CPQ: variants seen among roughly 807,000 people sequenced by gnomAD.
CPQ encodes Ser-Met dipeptidase.
A neutral mutation model predicts 45.7 loss-of-function variants in CPQ; 37 were observed. That is an observed-to-expected ratio of 0.81 (90% confidence interval 0.62 to 1.07). The LOEUF is 1.07. Ranked by LOEUF, CPQ falls within the 50% of genes least tolerant of loss-of-function variation. The probability of loss-of-function intolerance (pLI) is 0.00; values close to 1 mark genes in which losing one functional copy is unlikely to be tolerated. For synonymous variants in CPQ, 186 were observed against 205.8 expected, an observed-to-expected ratio of 0.90 and a Z score of 0.82; for missense variants, 537 against 572.9, an observed-to-expected ratio of 0.94 and a Z score of 0.64.
At chr8:96,944,395 G>A (rs564529636) in intron 4 of CPQ, among the ~76,000 whole-genome samples, 4 of 151,960 alleles carry the variant, frequency 2.6e-5, no homozygotes, top group Non-Finnish European at 2.9e-5. Context: ...TGCTTCTGTC[G>A]TCTCGTTAGT....
chr8:97,022,727 T>A (rs926747270), intron 5 of CPQ, among the ~76,000 whole-genome samples: 4 of 151,668 alleles, frequency 2.6e-5, no homozygotes, highest in African/African-American at 4.8e-5. Flanking sequence ...AATCAAAAAA[T>A]AATTGATGTT....
chr8:97,111,009 C>A (rs1451378496), intron 7 of CPQ, among the ~76,000 whole-genome samples: 1 of 152,142 alleles, frequency 6.6e-6, no homozygotes, highest in East Asian at 1.9e-4. Flanking sequence ...TATTGGATTT[C>A]TTTTCCAACA....
At chr8:97,123,211 TAAA>T (rs1563587408) in intron 7 of CPQ, among the ~76,000 whole-genome samples, 5 of 67,818 alleles carry the variant, frequency 7.4e-5, no homozygotes, top group East Asian at 1.4e-3. Flanking sequence ...AAATAAAAAA[TAAA>T]ATAAAATAAA....
intron 1 of CPQ, among the ~76,000 whole-genome samples, chr8:96,763,475 G>T (rs969333773): frequency 6.6e-6 from 1 of 152,024 alleles, no homozygotes; most frequent in African/African-American, 2.4e-5. Context: ...ATATCATACT[G>T]TCTGGATTAC....
chr8:96,853,171 T>C (rs1811793744), intron 3 of CPQ, among the ~76,000 whole-genome samples: 1 of 152,220 alleles, frequency 6.6e-6, no homozygotes, highest in Non-Finnish European at 1.5e-5. Context: ...TTGACTGATT[T>C]TGTTGGCCCT....
intron 7 of CPQ, among the ~76,000 whole-genome samples, chr8:97,114,767 G>GA (rs1350682120): frequency 6.6e-6 from 1 of 152,180 alleles, no homozygotes; most frequent in Non-Finnish European, 1.5e-5. Flanking sequence ...ATCCTTCAGT[G>GA]AAATCTGTGC....
chr8:97,099,975 A>G (rs1007771073), intron 7 of CPQ, among the ~76,000 whole-genome samples: 3 of 152,200 alleles, frequency 2.0e-5, no homozygotes, highest in African/African-American at 7.2e-5. Context: ...ATGTACCTCT[A>G]ACACCAAGGC....
chr8:96,654,511 T>A (rs1310971923), intron 1 of CPQ, among the ~76,000 whole-genome samples: 1 of 152,158 alleles, frequency 6.6e-6, no homozygotes, highest in African/African-American at 2.4e-5. Flanking sequence ...GAGTACTGTG[T>A]ATAATGAGCC....
At chr8:96,708,931 T>C (rs754069712) in intron 1 of CPQ, among the ~76,000 whole-genome samples, 8 of 152,192 alleles carry the variant, frequency 5.3e-5, no homozygotes, top group Non-Finnish European at 2.9e-5. Context: ...AAAATATCTT[T>C]CAGATCTGTC....
At chr8:96,754,567 G>T (rs1372787159) in intron 1 of CPQ, among the ~76,000 whole-genome samples, 1 of 151,944 alleles carries the variant, frequency 6.6e-6, no homozygotes, top group East Asian at 1.9e-4. Context: ...AACCAGTTTT[G>T]CAAATTATCC....
intron 2 of CPQ, among the ~76,000 whole-genome samples, chr8:96,815,795 T>A (rs1811219458): frequency 6.6e-6 from 1 of 152,106 alleles, no homozygotes; most frequent in Non-Finnish European, 1.5e-5. Context: ...ACAATAAAAT[T>A]TTTTGGTTTC....
intron 2 of CPQ, among the ~76,000 whole-genome samples, chr8:96,833,114 G>T (rs1811481391): frequency 1.3e-5 from 2 of 152,066 alleles, no homozygotes; most frequent in Non-Finnish European, 2.9e-5. Context: ...ACATATGGGG[G>T]ATAAAGGAGA....
chr8:96,958,802 A>G (rs942330173), intron 4 of CPQ, among the ~76,000 whole-genome samples: 1 of 152,068 alleles, frequency 6.6e-6, no homozygotes, highest in Non-Finnish European at 1.5e-5. Flanking sequence ...CTGAGAGTGG[A>G]AACAGCTCTT....
chr8:96,739,249 T>G (rs1188703141), intron 1 of CPQ, among the ~76,000 whole-genome samples: 28 of 150,360 alleles, frequency 1.9e-4, no homozygotes, highest in Non-Finnish European at 3.7e-4. Context: ...TTTGGCTGCA[T>G]AAATGTCTTC....
intron 1 of CPQ, among the ~76,000 whole-genome samples, chr8:96,745,966 AGGT>A (rs1810174142): frequency 6.6e-6 from 1 of 152,188 alleles, no homozygotes; most frequent in Non-Finnish European, 1.5e-5. Flanking sequence ...AGTTTCCATG[AGGT>A]TATTGAAACT....
chr8:97,084,758 G>T (rs1443819073), intron 7 of CPQ, among the ~76,000 whole-genome samples: 1 of 151,920 alleles, frequency 6.6e-6, no homozygotes, highest in Non-Finnish European at 1.5e-5. Flanking sequence ...TATGTGCCTT[G>T]TAAAGGAGCT....
At chr8:96,848,577 T>G (rs1811729994) in intron 3 of CPQ, among the ~76,000 whole-genome samples, 1 of 152,260 alleles carries the variant, frequency 6.6e-6, no homozygotes, top group Non-Finnish European at 1.5e-5. Context: ...AGGAATTCAG[T>G]CTTTCCTGTA....
rs577182735 is a variant in CPQ, at chr8:96,891,703, G to A, written c.849+11698G>A. Among the ~76,000 whole-genome samples the A allele has an allele frequency of 2.0e-3, 305 of 152,216 alleles. 2 individuals carry two copies. The highest frequency in any genetic ancestry group is 6.8e-3 in the African/African-American group (283 of 41,538). On this transcript the variant is annotated intron_variant, in intron 4 of 7. Transcript: ENST00000220763. ...CTCAGAGGTCCATCCTTAAAATTTT[G>A]TATATACATATTATCCCATTATCAA...
chr8:97,010,372 G>A (rs1194031226), intron 5 of CPQ, among the ~76,000 whole-genome samples: 1 of 152,164 alleles, frequency 6.6e-6, no homozygotes, highest in Non-Finnish European at 1.5e-5. Flanking sequence ...GAATAGCTCT[G>A]TGACATTGTG....
Sources: gnomAD v4.1 joint callset for allele counts (sites outside exome capture counted in the v4.1 genomes callset) on GRCh38, gnomAD v4.1.1 for gene constraint, MANE v1.5 for transcripts, NCBI Gene and HGNC (gene_info 2026-07-23, HGNC 2026-07-21) for gene names.